ACTR6: variants seen among roughly 807,000 people sequenced by gnomAD.
ACTR6 encodes actin related protein 6, also known as actin-related protein 6.
ACTR6 carries 50 observed loss-of-function variants against 52.5 expected under a neutral mutation model. The observed-to-expected ratio is 0.95, with a 90% CI of 0.76 to 1.20. The LOEUF (loss-of-function observed/expected upper bound fraction) is 1.20, where lower values mean the gene tolerates loss of function less well. Ranked by LOEUF, ACTR6 falls within the 50% of genes most tolerant of loss-of-function variation. ACTR6 has a pLI of 0.00. For missense variants in ACTR6, 344 were observed against 472.4 expected (o/e 0.73, Z 2.52); for synonymous variants, 135 against 147.2 (o/e 0.92, Z 0.60).
intron 2 of ACTR6, chr12:100,205,441 A>C (rs904598929): frequency 9.4e-6 from 3 of 319,704 alleles, no homozygotes; most frequent in African/African-American, 6.5e-5. Flanking sequence ...CAGTATACCT[A>C]TGTAGTAAAC....
At chr12:100,208,491 T>C (rs537992498) in intron 4 of ACTR6, among the ~76,000 whole-genome samples, 76 of 152,176 alleles carry the variant, frequency 5.0e-4, no homozygotes, top group African/African-American at 1.8e-3. Flanking sequence ...GTCAGGCTGG[T>C]CTTGAACTCC....
chr12:100,216,098 C>T (rs1482838992), intron 8 of ACTR6, among the ~76,000 whole-genome samples: 1 of 152,214 alleles, frequency 6.6e-6, no homozygotes. Context: ...TCATGGATTA[C>T]CACTTTCTGC....
Position 100,218,713 on chromosome 12 carries a change from T to G in ACTR6, c.922+127T>G. ...AGTCTGTTTTATTTGCAGAGATTTG[T>G]AGATCCCATAATGCATTTATATAAT... On this transcript the variant is annotated intron_variant, in intron 9 of 10. Coordinates refer to ENST00000188312, the MANE Select transcript of ACTR6 (RefSeq NM_022496.5). This position sits in a 1 kb window ranked among gnomAD's most constrained non-coding sequence, Gnocchi z 4.2. 1 of 518,620 alleles carries G rather than the reference T, an allele frequency of 1.9e-6. No homozygotes were observed. The allele number at this position is 518,620 out of a possible 1,614,324, so 32.1% of individuals were successfully genotyped here. A position where few individuals can be genotyped will look rare whatever the true frequency, so the allele number is the denominator to read the frequency against.
At chr12:100,209,988 TG>T (rs2096118484) in intron 4 of ACTR6, 84 bp from the exon 5 acceptor site, 2 of 1,213,376 alleles carry the variant, frequency 1.6e-6, no homozygotes, top group Admixed American at 5.2e-5. Flanking sequence ...ATTTTTGTCT[TG>T]GTGCTTGTCT....
At position 100,211,785 on chromosome 12, in the gene ACTR6, G is replaced by GT. The variant is rs554813287; in HGVS notation, c.573-466dup. Among the ~76,000 whole-genome samples, 358 of 152,160 alleles carry GT rather than the reference G, an allele frequency of 2.4e-3. 2 individuals are homozygous for GT. The highest frequency in any genetic ancestry group is 8.1e-3 in the African/African-American group (336 of 41,536). On this transcript the variant is annotated intron_variant, in intron 6 of 10. Coordinates refer to ENST00000188312, the MANE Select transcript of ACTR6 (RefSeq NM_022496.5). ...TCCCAGCACTTTGGGAGGTGGAAAA[G>GT]TTTTTGTTTATTTTTAAACATCTTT...
rs1212754441 is a variant in ACTR6, at chr12:100,220,155, T to G, written c.1061+9T>G. ...GTTGTGCTGCCTGAAAAGTAAGTGT[T>G]GTTTTATATAGAAACGAAACATGGA... On this transcript the variant is annotated intron_variant, in intron 10 of 10. Transcript: ENST00000188312. 1 of 1,608,526 alleles carries G rather than the reference T, an allele frequency of 6.2e-7. No individual in the cohort carries two copies. The highest frequency in any genetic ancestry group is 1.1e-5 in the South Asian group (1 of 90,144).
rs767540618 is a variant in ACTR6, at chr12:100,212,513, A to G, written c.735A>G (p.Lys245=). 3.7e-6 allele frequency: 6 copies of G among 1,613,318 alleles called. No homozygotes were observed. Among genetic ancestry groups the G allele is most frequent in the Non-Finnish European group, 5.1e-6 (6 of 1,179,432 alleles). The change falls in exon 8 of 11, where the codon AAA becomes AAG. Residue 245 remains lysine (K), a synonymous_variant. Transcript: ENST00000188312. ...DYVLPDFSTI[K]KGFCKPREEM... ...TCTTGCCTGACTTCAGTACAATTAA[A>G]AAGGGCTTTTGTAAGGTAATTTTTA...
rs571376326 is a variant in ACTR6, at chr12:100,206,939, C to T, written c.256-724C>T. On this transcript the variant is annotated intron_variant, in intron 3 of 10. Coordinates refer to ENST00000188312, the MANE Select transcript of ACTR6 (RefSeq NM_022496.5). ...AGGTGATCTGCCTGCCTCAGCCTCC[C>T]AAAGTCCTGGGATTACAAGCTGAGC... 6.7e-4 allele frequency among the ~76,000 whole-genome samples: 102 copies of T among 151,964 alleles called. 1 individual carries two copies. The highest frequency in any genetic ancestry group is 2.4e-3 in the African/African-American group (98 of 41,494).
In ACTR6 at chr12:100,218,524, T is replaced by C. The variant is rs1247364637; in HGVS notation, c.860T>C (p.Ile287Thr). ...VPEILFNPSD[I>T]GIQEMGIPEA... Reference sequence around the variant, plus strand: ...GAAATACTCTTTAATCCTTCTGATATAGGCATTCAAGAAATGGGAATTCCA... The same window carrying C: ...GAAATACTCTTTAATCCTTCTGATACAGGCATTCAAGAAATGGGAATTCCA... Residue 287 changes from isoleucine to threonine, a missense_variant, in exon 9 of 11, where the codon ATA (isoleucine) becomes ACA (threonine). Ile to Thr is a moderately conservative substitution (Grantham distance 89). Transcript: ENST00000188312. This position sits in a 1 kb window ranked among gnomAD's most constrained non-coding sequence, Gnocchi z 4.2. The C allele has an allele frequency of 1.3e-6, 2 of 1,587,810 alleles. No individual in the cohort carries two copies. Among genetic ancestry groups the C allele is most frequent in the African/African-American group, 2.7e-5 (2 of 73,496 alleles).
chr12:100,220,358 T>C (rs2096127147), intron 10 of ACTR6, among the ~76,000 whole-genome samples: 1 of 152,232 alleles, frequency 6.6e-6, no homozygotes, highest in Non-Finnish European at 1.5e-5. Context: ...TAATGTTTCA[T>C]ACACAATGGG....
chr12:100,211,626 T>C (rs199661530), intron 6 of ACTR6, among the ~76,000 whole-genome samples: 1 of 150,898 alleles, frequency 6.6e-6, no homozygotes, highest in Non-Finnish European at 1.5e-5. Flanking sequence ...CAGCTTAAAA[T>C]ATATATATAT....
intron 10 of ACTR6, among the ~76,000 whole-genome samples, chr12:100,220,988 AAAAC>A (rs967408659): frequency 4.0e-4 from 61 of 151,542 alleles, no homozygotes; most frequent in African/African-American, 1.3e-3. Flanking sequence ...CTCTGTCTCA[AAAAC>A]AAACAAACAA....
intron 8 of ACTR6, among the ~76,000 whole-genome samples, chr12:100,213,435 C>T (rs1161164495): frequency 6.6e-6 from 1 of 152,006 alleles, no homozygotes; most frequent in African/African-American, 2.4e-5. Context: ...GCCATTTCAC[C>T]CGGCAAAAGT....
At chr12:100,207,550 G>A in intron 3 of ACTR6, 113 bp from the exon 4 acceptor site, 1 of 1,018,962 alleles carries the variant, frequency 9.8e-7, no homozygotes, top group Non-Finnish European at 1.4e-6. Context: ...AATGGGGATA[G>A]TAATAAGACA....
intron 9 of ACTR6, among the ~76,000 whole-genome samples, chr12:100,219,321 T>C (rs2096126295): frequency 6.6e-6 from 1 of 152,138 alleles, no homozygotes; most frequent in Non-Finnish European, 1.5e-5. Flanking sequence ...TCGAGGTCAA[T>C]ATAAGGAAAC....
chr12:100,203,548 C>G (rs2096111704), intron 1 of ACTR6: 1 of 152,114 alleles, frequency 6.6e-6, no homozygotes, highest in Non-Finnish European at 1.5e-5. Flanking sequence ...CATGATCCGC[C>G]CGCCTCCGCC....
chr12:100,215,792 T>A (rs895172804), intron 8 of ACTR6, among the ~76,000 whole-genome samples: 2 of 152,224 alleles, frequency 1.3e-5, no homozygotes, highest in African/African-American at 2.4e-5. Flanking sequence ...TGGAATTTTT[T>A]ATATTGTTTT....
chr12:100,207,704 C>CT lies in ACTR6; in HGVS notation c.300dup (p.Asn101Ter). On this transcript the variant is annotated frameshift_variant, in exon 4 of 11. Transcript: ENST00000188312. LOFTEE classifies it high-confidence loss of function. ...CTAATATTATTATCACTGAACCATA[C>CT]TTTAACTTCACTTCAATTCAAGAAT... The CT allele has an allele frequency of 6.3e-7, 1 of 1,583,768 alleles. No homozygotes were observed. Among genetic ancestry groups the CT allele is most frequent in the Non-Finnish European group, 8.6e-7 (1 of 1,156,846 alleles).
Position 100,205,758 on chromosome 12 carries a change from G to A in ACTR6, c.255+14G>A, listed in dbSNP as rs1341243714. On this transcript the variant is annotated intron_variant, in intron 3 of 10. Coordinates refer to ENST00000188312, the MANE Select transcript of ACTR6 (RefSeq NM_022496.5). ...GAAATGTATCAGGTAACAAATTAGA[G>A]TATGTATTAAAATTCTATTTCCATG... 7.1e-7 allele frequency: 1 copy of A among 1,406,208 alleles called. No individual in the cohort carries two copies. The highest frequency in any genetic ancestry group is 9.5e-7 in the Non-Finnish European group (1 of 1,050,964). The allele number at this position is 1,406,208 out of a possible 1,614,324, so 87.1% of individuals were successfully genotyped here.
Sources: gnomAD v4.1 joint callset for allele counts (sites outside exome capture counted in the v4.1 genomes callset) on GRCh38, gnomAD v4.1.1 for gene constraint, Gnocchi (gnomAD v3.1) non-coding constraint, MANE v1.5 for transcripts, NCBI Gene and HGNC (gene_info 2026-07-23, HGNC 2026-07-21) for gene names.